The following ZBTB20 variants were observed in gnomAD, a reference collection of about 807,000 sequenced individuals.
ZBTB20 encodes zinc finger and BTB domain-containing protein 20.
Under a neutral mutation model 56.9 loss-of-function variants are expected in ZBTB20, and 9 were observed. The ratio of observed to expected loss-of-function variants is 0.16; its 90% CI spans 0.10 to 0.28. The LOEUF is 0.28. ZBTB20 is among the 10% of genes least tolerant of loss of function. The pLI is 1.00. For synonymous variants in ZBTB20, 417 were observed against 420.7 expected (o/e 0.99, Z 0.11); for missense variants, 655 against 1,003.0 (o/e 0.65, Z 4.69).
chr3:114,686,146 T>C (rs918284422), intron 6 of ZBTB20, among the ~76,000 whole-genome samples: 1 of 152,198 alleles, frequency 6.6e-6, no homozygotes, highest in Non-Finnish European at 1.5e-5. Flanking sequence ...GCAATTGATA[T>C]GTGCAGCTTA....
At position 115,084,285 on chromosome 3, in the gene ZBTB20, CAA is replaced by C. The variant is rs11426311; in HGVS notation, c.-702-12873_-702-12872del. On this transcript the variant is annotated intron_variant, in intron 1 of 11. Transcript: ENST00000675478. ...GCTTACCATACTGCATGAAGAGTGC[CAA>C]AAAAAAAAAAAAAAAGACTAGAGAA... 4.3e-4 allele frequency among the ~76,000 whole-genome samples: 51 copies of C among 119,846 alleles called. 1 individual carries two copies. In the Middle Eastern group the frequency reaches 0.013, roughly 31 times the overall value. The allele number at this position is 119,846 out of a possible 152,430, so 78.6% of individuals were successfully genotyped here. A position where few individuals can be genotyped will look rare whatever the true frequency, so the allele number is the denominator to read the frequency against.
intron 6 of ZBTB20, among the ~76,000 whole-genome samples, chr3:114,614,774 C>T (rs967409440): frequency 1.1e-4 from 16 of 149,616 alleles, no homozygotes; most frequent in African/African-American, 3.4e-4. Flanking sequence ...TGTTTTGAGA[C>T]GGAGTCTTGC....
chr3:114,788,884 G>A (rs982645658), intron 5 of ZBTB20, among the ~76,000 whole-genome samples: 3 of 152,158 alleles, frequency 2.0e-5, no homozygotes, highest in Admixed American at 6.5e-5. Flanking sequence ...ATGGAGGCAG[G>A]CGAGAGAGTG....
At chr3:115,001,101 A>C (rs974117044) in intron 2 of ZBTB20, among the ~76,000 whole-genome samples, 24 of 151,180 alleles carry the variant, frequency 1.6e-4, no homozygotes, top group Admixed American at 1.1e-3. Flanking sequence ...AAAAAAAAAA[A>C]AACAAATTTC....
chr3:114,359,376 C>G (rs2081574611), intron 10 of ZBTB20: 1 of 152,100 alleles, frequency 6.6e-6, no homozygotes, highest in Admixed American at 6.6e-5. Context: ...AAGTTTTACT[C>G]TGTGAATAAA....
At chr3:114,562,795 GA>G (rs2052244609) in intron 6 of ZBTB20, among the ~76,000 whole-genome samples, 1 of 152,166 alleles carries the variant, frequency 6.6e-6, no homozygotes, top group African/African-American at 2.4e-5. Flanking sequence ...CCAGGAGAGG[GA>G]GAGAGATGAA....
At chr3:115,001,321 T>C (rs955514643) in intron 2 of ZBTB20, among the ~76,000 whole-genome samples, 5 of 151,434 alleles carry the variant, frequency 3.3e-5, no homozygotes, top group African/African-American at 9.7e-5. Context: ...ATGGAATACA[T>C]GAATTAGACT....
At chr3:114,954,232 T>C (rs1004813350) in intron 3 of ZBTB20, among the ~76,000 whole-genome samples, 2 of 152,180 alleles carry the variant, frequency 1.3e-5, no homozygotes, top group African/African-American at 4.8e-5. Flanking sequence ...ATCAATTCTT[T>C]AGAATCTTAT....
At chr3:115,007,507 C>G (rs755044838) in intron 2 of ZBTB20, among the ~76,000 whole-genome samples, 15 of 151,660 alleles carry the variant, frequency 9.9e-5, no homozygotes, top group African/African-American at 3.4e-4. Flanking sequence ...ATTACTTATC[C>G]CTTTTTCTCA....
At chr3:114,719,199 G>GA in intron 5 of ZBTB20, among the ~76,000 whole-genome samples, 1 of 140,422 alleles carries the variant, frequency 7.1e-6, no homozygotes, top group South Asian at 2.5e-4. Context: ...GCAGGGGGGG[G>GA]AAATAGAAGC....
chr3:114,464,363 C>T (rs900119484), intron 7 of ZBTB20, among the ~76,000 whole-genome samples: 3 of 152,118 alleles, frequency 2.0e-5, no homozygotes, highest in South Asian at 2.1e-4. Context: ...TTTTAAAAGG[C>T]GCACTTTACG....
chr3:114,739,746 G>A (rs1182507431), intron 5 of ZBTB20, among the ~76,000 whole-genome samples: 2 of 152,230 alleles, frequency 1.3e-5, no homozygotes, highest in African/African-American at 4.8e-5. Flanking sequence ...ATACAGTGAA[G>A]TTAAATCCTT....
At chr3:114,866,712 T>A (rs1290924473) in intron 4 of ZBTB20, among the ~76,000 whole-genome samples, 1 of 152,092 alleles carries the variant, frequency 6.6e-6, no homozygotes, top group East Asian at 1.9e-4. Context: ...AGCTGGAACA[T>A]TCCTTTTTTT....
intron 7 of ZBTB20, among the ~76,000 whole-genome samples, chr3:114,427,336 A>G (rs1045055657): frequency 2.0e-5 from 3 of 152,212 alleles, no homozygotes; most frequent in African/African-American, 7.2e-5. Flanking sequence ...ATTTCTCTGT[A>G]ATATATCTGT....
intron 5 of ZBTB20, chr3:114,743,791 A>AG (rs1187958269): frequency 3.3e-5 from 5 of 152,360 alleles, no homozygotes; most frequent in African/African-American, 1.2e-4. Flanking sequence ...TAAGAATAAA[A>AG]GGAGATGGTC....
intron 7 of ZBTB20, among the ~76,000 whole-genome samples, chr3:114,496,508 C>T (rs2043295326): frequency 6.6e-6 from 1 of 152,190 alleles, no homozygotes; most frequent in South Asian, 2.1e-4. Context: ...TGTTCATCTT[C>T]CCAAACCTTT....
At chr3:114,729,565 T>C (rs1013049782) in intron 5 of ZBTB20, among the ~76,000 whole-genome samples, 1 of 152,214 alleles carries the variant, frequency 6.6e-6, no homozygotes, top group African/African-American at 2.4e-5. Flanking sequence ...CAAAGCAGTG[T>C]CTTCTCACAA....
chr3:115,139,970 T>C (rs1366503308), intron 1 of ZBTB20, among the ~76,000 whole-genome samples: 1 of 152,076 alleles, frequency 6.6e-6, no homozygotes, highest in Non-Finnish European at 1.5e-5. Context: ...AAAATTAAAC[T>C]TTTATAAAAG....
At chr3:115,054,053 T>C (rs1352776835) in intron 2 of ZBTB20, among the ~76,000 whole-genome samples, 1 of 152,152 alleles carries the variant, frequency 6.6e-6, no homozygotes, top group Non-Finnish European at 1.5e-5. Flanking sequence ...TTAGTCAATT[T>C]CTGCTTTGTA....
Sources: gnomAD v4.1 joint callset for allele counts (sites outside exome capture counted in the v4.1 genomes callset) on GRCh38, gnomAD v4.1.1 for gene constraint, MANE v1.5 for transcripts, NCBI Gene and HGNC (gene_info 2026-07-23, HGNC 2026-07-21) for gene names.